The following DNAH3 variants were observed in gnomAD, a reference collection of about 807,000 sequenced individuals.
DNAH3 encodes axonemal beta dynein heavy chain 3.
Under a neutral mutation model 432.5 loss-of-function variants are expected in DNAH3, and 332 were observed. That is an observed-to-expected ratio of 0.77 (90% CI 0.70 to 0.84). The LOEUF is 0.84. Ranked by LOEUF, DNAH3 falls within the 40% of genes least tolerant of loss-of-function variation. The pLI, the probability that DNAH3 is intolerant of heterozygous loss-of-function variation, is 0.00. For synonymous variants in DNAH3, 1,956 were observed against 1,900.2 expected, an observed-to-expected ratio of 1.03 and a Z score of -0.76; for missense variants, 4,861 against 5,114.0, an observed-to-expected ratio of 0.95 and a Z score of 1.51.
At chr16:21,075,879 G>A (rs1210038812) in intron 20 of DNAH3, among the ~76,000 whole-genome samples, 1 of 120,476 alleles carries the variant, frequency 8.3e-6, no homozygotes, top group African/African-American at 3.2e-5. Context: ...TTTCACCACT[G>A]CACTCCACTC....
At chr16:21,003,027 T>G in intron 42 of DNAH3, 77 bp downstream of exon 42, 1 of 985,682 alleles carries the variant, frequency 1.0e-6, no homozygotes, top group Non-Finnish European at 1.6e-6. Context: ...TCGCAAAGAC[T>G]GTTAATTCTT....
chr16:21,073,565 T>C (rs2090870163), intron 21 of DNAH3, among the ~76,000 whole-genome samples: 1 of 152,098 alleles, frequency 6.6e-6, no homozygotes, highest in Non-Finnish European at 1.5e-5. Context: ...TGCACCTTGA[T>C]TTGCTGAGTA....
At chr16:20,946,569 C>T (rs2084053020) in intron 57 of DNAH3, among the ~76,000 whole-genome samples, 1 of 152,078 alleles carries the variant, frequency 6.6e-6, no homozygotes, top group Admixed American at 6.6e-5. Context: ...TCTTTTCATC[C>T]ACAGAAGGAA....
chr16:20,986,518 A>T (rs2086205438), intron 47 of DNAH3, among the ~76,000 whole-genome samples: 1 of 151,748 alleles, frequency 6.6e-6, no homozygotes, highest in South Asian at 2.1e-4. Context: ...AAAAATAAAT[A>T]TTTTTTTTGT....
chr16:21,019,406 C>T (rs1333330138), intron 41 of DNAH3: 3 of 582,440 alleles, frequency 5.2e-6, no homozygotes, highest in African/African-American at 1.9e-5. Flanking sequence ...GTGATCTGCC[C>T]ACCTCAGCCT....
At chr16:21,121,729 G>A (rs1038069446) in intron 10 of DNAH3, among the ~76,000 whole-genome samples, 1 of 151,446 alleles carries the variant, frequency 6.6e-6, no homozygotes, top group Non-Finnish European at 1.5e-5. Context: ...GCAGCTCTTC[G>A]TGCTCTTGTT....
rs545249138 is a variant in DNAH3, at chr16:21,084,436, C to T, written c.2877+2413G>A. On this transcript the variant is annotated intron_variant, in intron 19 of 61. Transcript: ENST00000261383. ...CTCCCAGGCTCAAGTGATGCTCCCACCTTAGCTTCCCTAGCAGCTGGGACT... is the reference window on the plus strand; with the variant it reads ...CTCCCAGGCTCAAGTGATGCTCCCATCTTAGCTTCCCTAGCAGCTGGGACT... Among the ~76,000 whole-genome samples the T allele has an allele frequency of 2.0e-5, 3 of 152,204 alleles. No individual in the cohort carries two copies. The South Asian group carries it at 6.2e-4, about 32-fold the overall frequency.
chr16:21,053,089 T>C (rs2090013421), intron 28 of DNAH3, among the ~76,000 whole-genome samples: 2 of 152,142 alleles, frequency 1.3e-5, no homozygotes, highest in Non-Finnish European at 2.9e-5. Context: ...GCTATGGAGA[T>C]CTCAGAGCTA....
At chr16:21,033,884 CA>C in intron 36 of DNAH3, 89 bp downstream of exon 36, 3 of 846,206 alleles carry the variant, frequency 3.5e-6, no homozygotes, top group Non-Finnish European at 5.7e-6. Flanking sequence ...CGAGGCCTGA[CA>C]AGACTAGCAG....
intron 11 of DNAH3, among the ~76,000 whole-genome samples, chr16:21,118,671 G>T (rs2092264396): frequency 6.6e-6 from 1 of 152,050 alleles, no homozygotes; most frequent in South Asian, 2.1e-4. Context: ...TGAACTGGTG[G>T]TCTGGCTTCA....
chr16:21,036,565 C>T, intron 35 of DNAH3, 149 bp downstream of exon 35: 1 of 736,438 alleles, frequency 1.4e-6, no homozygotes, highest in South Asian at 1.9e-5. Context: ...CAGGCATAGG[C>T]CATTACGCCC....
chr16:21,148,968 T>C (rs1467303076), intron 1 of DNAH3, among the ~76,000 whole-genome samples: 1 of 152,170 alleles, frequency 6.6e-6, no homozygotes, highest in Non-Finnish European at 1.5e-5. Context: ...TGGTAGCTAA[T>C]GTCTATAATC....
At chr16:21,099,427 C>T (rs1228007387) in intron 16 of DNAH3, among the ~76,000 whole-genome samples, 2 of 152,208 alleles carry the variant, frequency 1.3e-5, no homozygotes, top group Admixed American at 6.5e-5. Context: ...TGGAGGGCTA[C>T]TGTAGCTACA....
At chr16:21,107,862 G>T (rs1862271) in intron 14 of DNAH3, among the ~76,000 whole-genome samples, 15,414 of 147,010 alleles carry the variant, frequency 0.1, 947 homozygotes, top group Non-Finnish European at 0.14. Context: ...ATCGTGACAT[G>T]TTTTTTTTTT....
intron 44 of DNAH3, 30 bp downstream of exon 44, chr16:20,997,253 A>T (rs2086801208): frequency 6.2e-7 from 1 of 1,605,590 alleles, no homozygotes; most frequent in African/African-American, 1.3e-5. Context: ...GGATGGAGGG[A>T]AAGAGGAATG....
intron 48 of DNAH3, among the ~76,000 whole-genome samples, chr16:20,984,149 G>T (rs1436381004): frequency 3.4e-5 from 5 of 147,814 alleles, no homozygotes; most frequent in Non-Finnish European, 7.4e-5. Flanking sequence ...AGTAATTTTG[G>T]TCCTTATCCC....
At chr16:21,153,779 C>A (rs1297834944) in intron 1 of DNAH3, among the ~76,000 whole-genome samples, 1 of 152,180 alleles carries the variant, frequency 6.6e-6, no homozygotes, top group Non-Finnish European at 1.5e-5. Context: ...CGAGGGCCCA[C>A]GGCTTCATTC....
chr16:21,022,720 A>T (rs934610239), intron 39 of DNAH3, among the ~76,000 whole-genome samples: 17 of 151,728 alleles, frequency 1.1e-4, no homozygotes, highest in South Asian at 6.2e-4. Flanking sequence ...TATTTTTTTT[A>T]AAAAAGATTT....
At chr16:21,154,016 T>C (rs2092882366) in intron 1 of DNAH3, among the ~76,000 whole-genome samples, 1 of 152,194 alleles carries the variant, frequency 6.6e-6, no homozygotes, top group Non-Finnish European at 1.5e-5. Flanking sequence ...GAGACTCTGG[T>C]TTAGACGGAA....
Sources: allele counts gnomAD v4.1 joint callset (sites outside exome capture counted in the v4.1 genomes callset), GRCh38; gene constraint gnomAD v4.1.1; transcripts MANE v1.5; gene names NCBI Gene and HGNC (gene_info 2026-07-23, HGNC 2026-07-21).